Variants in GCLC observed in about 807,000 individuals in gnomAD.
GCLC encodes glutamate-cysteine ligase catalytic subunit.
GCLC carries 30 observed loss-of-function variants against 81.5 expected under a neutral mutation model. That is an observed-to-expected ratio of 0.37 (90% CI 0.28 to 0.50). The LOEUF (loss-of-function observed/expected upper bound fraction) is 0.50, where lower values mean the gene tolerates loss of function less well. Among genes scored for constraint, GCLC ranks in the 20% least tolerant of loss-of-function variants. The pLI, the probability that GCLC is intolerant of heterozygous loss-of-function variation, is 0.96. For missense variants in GCLC, 556 were observed against 777.4 expected (o/e 0.72, Z 3.39); for synonymous variants, 262 against 273.3 (o/e 0.96, Z 0.41).
chr6:53,522,894 T>C (rs1015519194), intron 1 of GCLC: 4 of 241,726 alleles, frequency 1.7e-5, no homozygotes, highest in African/African-American at 9.1e-5. Context: ...TCAGTTGGCT[T>C]ACTATAAGTT....
At position 53,498,628 on chromosome 6, in the gene GCLC, T is replaced by G. The variant is rs1764426217; in HGVS notation, c.*128A>C. 1 of 724,548 alleles carries G rather than the reference T, an allele frequency of 1.4e-6. No homozygotes were observed. The highest frequency in any genetic ancestry group is 2.5e-6 in the Non-Finnish European group (1 of 394,690). 44.9% of individuals were successfully genotyped at this position (724,548 alleles called of 1,614,324 possible). ...CTACCAAAGAAAGCCTTAATCAATT[T>G]CTGGCTCACTGGCCCAGAAAACAGT... is the stretch of plus-strand genomic sequence containing the variant. On this transcript the variant is annotated 3_prime_UTR_variant, in exon 16 of 16. Coordinates refer to ENST00000650454, the MANE Select transcript of GCLC (RefSeq NM_001498.4).
intron 3 of GCLC, among the ~76,000 whole-genome samples, chr6:53,517,379 G>A (rs987483536): frequency 2.0e-5 from 3 of 148,562 alleles, no homozygotes; most frequent in East Asian, 4.0e-4. Flanking sequence ...TTACAAGCAC[G>A]TGCCACCTCA....
At chr6:53,519,171 G>A (rs1244046403) in intron 3 of GCLC, among the ~76,000 whole-genome samples, 3 of 152,224 alleles carry the variant, frequency 2.0e-5, no homozygotes, top group African/African-American at 7.2e-5. Context: ...GCTTTTAGGA[G>A]AACAACTAAA....
chr6:53,541,536 C>T (rs680403), intron 1 of GCLC, among the ~76,000 whole-genome samples: 81,785 of 151,724 alleles, frequency 0.54, 22,718 homozygotes, highest in African/African-American at 0.68. Context: ...GCGGGTTATG[C>T]TTTTCTTCTA....
At chr6:53,532,331 C>T (rs1045463040) in intron 1 of GCLC, among the ~76,000 whole-genome samples, 1 of 152,234 alleles carries the variant, frequency 6.6e-6, no homozygotes, top group African/African-American at 2.4e-5. Context: ...GCAGTACATC[C>T]TGAGCTGAGA....
intron 4 of GCLC, among the ~76,000 whole-genome samples, chr6:53,515,489 T>G (rs1764851398): frequency 6.6e-6 from 1 of 152,256 alleles, no homozygotes; most frequent in Non-Finnish European, 1.5e-5. Context: ...CGTGAGGGCC[T>G]GTTAAAGGAA....
At chr6:53,530,742 T>C (rs1266871439) in intron 1 of GCLC, among the ~76,000 whole-genome samples, 1 of 152,178 alleles carries the variant, frequency 6.6e-6, no homozygotes, top group East Asian at 1.9e-4. Context: ...TAGAAGAGAA[T>C]TACCTGCTAT....
intron 1 of GCLC, among the ~76,000 whole-genome samples, chr6:53,541,249 C>A (rs915826455): frequency 6.6e-6 from 1 of 152,008 alleles, no homozygotes; most frequent in African/African-American, 2.4e-5. Flanking sequence ...TAGAGAGGTA[C>A]CACAATGGAG....
At chr6:53,517,691 T>G (rs1264934513) in intron 3 of GCLC, among the ~76,000 whole-genome samples, 1 of 152,120 alleles carries the variant, frequency 6.6e-6, no homozygotes, top group Non-Finnish European at 1.5e-5. Flanking sequence ...AGGGAGAAGG[T>G]AGAATCAGAA....
At chr6:53,535,236 CA>C (rs1478514201) in intron 1 of GCLC, among the ~76,000 whole-genome samples, 1 of 152,110 alleles carries the variant, frequency 6.6e-6, no homozygotes, top group African/African-American at 2.4e-5. Flanking sequence ...AAAATAAGGC[CA>C]AGCACAGTGG....
rs17884473 is a variant in GCLC at position 53,505,953 on chromosome 6, G to T, written c.1198-58C>A. On this transcript the variant is annotated intron_variant, in intron 10 of 15. Coordinates refer to ENST00000650454, the MANE Select transcript of GCLC (RefSeq NM_001498.4). ...TTTCACACATCCAGGAAAATATTAA[G>T]ATGATCTGGTATTTAATTAAGGAAG... 2.4e-4 allele frequency: 221 copies of T among 938,246 alleles called. 1 individual carries two copies. The African/African-American group carries it at 2.6e-3, about 11-fold the overall frequency. The allele number at this position is 938,246 out of a possible 1,614,324, so 58.1% of individuals were successfully genotyped here.
intron 1 of GCLC, chr6:53,523,896 G>C (rs1322901525): frequency 1.3e-5 from 2 of 152,168 alleles, no homozygotes; most frequent in African/African-American, 4.8e-5. Flanking sequence ...GGAAAAGTCT[G>C]CTTGATTTGG....
Position 53,500,027 on chromosome 6 carries a change from G to A in GCLC, c.1702+18C>T. 1 of 1,561,234 alleles carries A rather than the reference G, an allele frequency of 6.4e-7. No homozygotes were observed. Among genetic ancestry groups the A allele is most frequent in the Non-Finnish European group, 8.8e-7 (1 of 1,132,024 alleles). Reference sequence around the variant, plus strand: ...CATGCTGTCTATATTATGAGATTAAGAAAAATAGATATCATACCAGATGCT... The same window carrying A: ...CATGCTGTCTATATTATGAGATTAAAAAAAATAGATATCATACCAGATGCT... On this transcript the variant is annotated intron_variant, in intron 15 of 15. Coordinates refer to ENST00000650454, the MANE Select transcript of GCLC (RefSeq NM_001498.4).
At chr6:53,540,225 T>C (rs1478655100) in intron 1 of GCLC, among the ~76,000 whole-genome samples, 1 of 151,394 alleles carries the variant, frequency 6.6e-6, no homozygotes. Flanking sequence ...TCATCGAAGT[T>C]ATTCACAATA....
rs534939722 is a variant in GCLC at position 53,505,243 on chromosome 6, GAAAAT to G, written c.1395+144_1395+148del. Reference sequence around the variant, plus strand: ...CTAGAAATTAAGCTTAGGTTTAAAAGAAAATAAAGAATAGGGCTGATGGAGAAACA... The same window carrying G: ...CTAGAAATTAAGCTTAGGTTTAAAAGAAAGAATAGGGCTGATGGAGAAACA... On this transcript the variant is annotated intron_variant, in intron 12 of 15. Transcript: ENST00000650454. The G allele has an allele frequency of 7.8e-5, 50 of 642,510 alleles. No individual in the cohort carries two copies. The African/African-American group carries it at 8.7e-4, about 11-fold the overall frequency. The allele number at this position is 642,510 out of a possible 1,614,324, so 39.8% of individuals were successfully genotyped here.
intron 1 of GCLC, among the ~76,000 whole-genome samples, chr6:53,535,283 G>A (rs1461195383): frequency 1.3e-5 from 2 of 152,242 alleles, no homozygotes; most frequent in African/African-American, 4.8e-5. Context: ...GGGAGGCCAA[G>A]GCAGGCGGAC....
chr6:53,500,472 G>C lies in GCLC; in HGVS notation c.1437C>G (p.Val479=). 1 of 1,612,224 alleles carries C rather than the reference G, an allele frequency of 6.2e-7. No homozygotes were observed. The highest frequency in any genetic ancestry group is 1.7e-4 in the Middle Eastern group (1 of 5,994). The change falls in exon 13 of 16, where the codon GTC becomes GTG. Residue 479 remains valine (V), a synonymous_variant. Coordinates refer to ENST00000650454, the MANE Select transcript of GCLC (RefSeq NM_001498.4). ...TCCTGAAATAAAACATTCCCTGCAAGACAGCATCTCTTTTCTGTGCTACCT... is the reference window on the plus strand; with the variant it reads ...TCCTGAAATAAAACATTCCCTGCAACACAGCATCTCTTTTCTGTGCTACCT... ...NMKVAQKRDA[V]LQGMFYFRKD... is the part of the protein sequence containing the mutation.
At position 53,508,616 on chromosome 6, in the gene GCLC, A is replaced by C. The variant is rs1349142781; in HGVS notation, c.924T>G (p.Thr308=). ...GVISASVDDR[T]REERGLEPLK... ...CCACCTCCAGTCCTCGCTCCTCCCG[A>C]GTTCTATCATCTACAGATGCAGAAA... is the stretch of plus-strand genomic sequence containing the variant. Residue 308 remains threonine, a synonymous_variant, in exon 8 of 16, where the codon ACT becomes ACG. Transcript: ENST00000650454. 6.2e-7 allele frequency: 1 copy of C among 1,609,806 alleles called. No homozygotes were observed. The highest frequency in any genetic ancestry group is 1.3e-5 in the African/African-American group (1 of 74,940).
At chr6:53,508,554 TG>T (rs1179221479) in intron 8 of GCLC, 40 bp downstream of exon 8, 1 of 1,159,952 alleles carries the variant, frequency 8.6e-7, no homozygotes, top group East Asian at 2.3e-5. Context: ...CCATTTTACC[TG>T]CTTGACTTAA....
Sources: gnomAD v4.1 joint callset for allele counts (sites outside exome capture counted in the v4.1 genomes callset) on GRCh38, gnomAD v4.1.1 for gene constraint, MANE v1.5 for transcripts, NCBI Gene and HGNC (gene_info 2026-07-23, HGNC 2026-07-21) for gene names.